LPP: variants seen among roughly 807,000 people sequenced by gnomAD.
LPP encodes lipoma-preferred partner.
A neutral mutation model predicts 60.4 loss-of-function variants in LPP; 38 were observed. The observed-to-expected ratio is 0.63, with a 90% CI of 0.49 to 0.83. The LOEUF (loss-of-function observed/expected upper bound fraction) is 0.83, where lower values mean the gene tolerates loss of function less well. Among genes scored for constraint, LPP ranks in the 40% least tolerant of loss-of-function variants. The pLI is 0.00. For missense variants in LPP, 902 were observed against 783.6 expected (o/e 1.15, Z -1.80); for synonymous variants, 328 against 290.8 (o/e 1.13, Z -1.30).
chr3:188,430,853 T>A (rs545165017), intron 4 of LPP, among the ~76,000 whole-genome samples: 2 of 152,218 alleles, frequency 1.3e-5, no homozygotes, highest in East Asian at 3.9e-4. Context: ...GATTTTTTTT[T>A]TATATGTAGA....
intron 6 of LPP, among the ~76,000 whole-genome samples, chr3:188,564,990 A>T (rs1285504261): frequency 3.3e-5 from 5 of 151,690 alleles, no homozygotes; most frequent in Admixed American, 3.3e-4. Flanking sequence ...GCTCCATTCC[A>T]TCTCTGCTCC....
chr3:188,487,525 A>G (rs375345679), intron 5 of LPP, among the ~76,000 whole-genome samples: 12 of 152,350 alleles, frequency 7.9e-5, no homozygotes, highest in South Asian at 6.2e-4. Flanking sequence ...GATAAAAAAT[A>G]AAATACGGTT....
chr3:188,533,655 T>C (rs1822802301), intron 6 of LPP, among the ~76,000 whole-genome samples: 1 of 152,156 alleles, frequency 6.6e-6, no homozygotes, highest in African/African-American at 2.4e-5. Context: ...TACAGTAAAA[T>C]AAAATTTGCA....
intron 2 of LPP, among the ~76,000 whole-genome samples, chr3:188,335,227 G>T (rs918008868): frequency 3.9e-5 from 6 of 152,192 alleles, no homozygotes; most frequent in African/African-American, 1.4e-4. Flanking sequence ...TACCTGACTT[G>T]AGATATTATA....
chr3:188,540,430 G>C (rs1320800985), intron 6 of LPP, among the ~76,000 whole-genome samples: 2 of 152,136 alleles, frequency 1.3e-5, no homozygotes, highest in Non-Finnish European at 2.9e-5. Context: ...TAAAGACCAA[G>C]TTCATGTTGT....
intron 1 of LPP, among the ~76,000 whole-genome samples, chr3:188,183,910 A>G (rs1307959989): frequency 6.6e-6 from 1 of 152,138 alleles, no homozygotes; most frequent in East Asian, 1.9e-4. Flanking sequence ...ACTGCTAGGA[A>G]TTTAAGCAAA....
chr3:188,433,527 GA>G (rs1235260391), intron 4 of LPP, among the ~76,000 whole-genome samples: 1 of 149,154 alleles, frequency 6.7e-6, no homozygotes, highest in Non-Finnish European at 1.5e-5. Context: ...GAAGTAGAAA[GA>G]AAAAAATATT....
intron 9 of LPP, among the ~76,000 whole-genome samples, chr3:188,837,381 A>ACAT (rs368390547): frequency 0.031 from 1,395 of 44,718 alleles, 12 homozygotes; most frequent in Middle Eastern, 0.058. Context: ...TCCATCTCAA[A>ACAT]CATAATAATA....
chr3:188,623,697 G>A (rs1846247896), intron 7 of LPP, among the ~76,000 whole-genome samples: 1 of 152,198 alleles, frequency 6.6e-6, no homozygotes, highest in East Asian at 1.9e-4. Flanking sequence ...TTAAAAAATT[G>A]TCACTGCTGT....
intron 9 of LPP, among the ~76,000 whole-genome samples, chr3:188,846,683 C>CAA (rs34230552): frequency 0.017 from 1,440 of 84,218 alleles, 40 homozygotes; most frequent in African/African-American, 0.06. Flanking sequence ...GATTCCATCT[C>CAA]AAAAAAAAAA....
intron 4 of LPP, among the ~76,000 whole-genome samples, chr3:188,423,889 T>C (rs1352143691): frequency 1.3e-5 from 2 of 152,222 alleles, no homozygotes; most frequent in South Asian, 2.1e-4. Context: ...CGCTTTTTTT[T>C]CCCATTCTGT....
chr3:188,337,340 A>C (rs778729626), intron 2 of LPP, among the ~76,000 whole-genome samples: 3 of 152,192 alleles, frequency 2.0e-5, no homozygotes, highest in Non-Finnish European at 4.4e-5. Context: ...AAGCACGGCT[A>C]TGTGGACTTC....
chr3:188,885,976 A>G lies in LPP; in HGVS notation c.*11497A>G, dbSNP rs1462793175. On this transcript the variant is annotated 3_prime_UTR_variant, in exon 12 of 12. Coordinates refer to ENST00000617246, the MANE Select transcript of LPP (RefSeq NM_001375462.1). ...CTGTTCAATACTATGCAGCCATAAA[A>G]AATGATGAGTTCATGTCCTTTGTAG... 4 of 152,170 alleles carry G rather than the reference A, an allele frequency of 2.6e-5. No individual in the cohort carries two copies. Among genetic ancestry groups the G allele is most frequent in the African/African-American group, 9.7e-5 (4 of 41,446 alleles). 9.4% of individuals were successfully genotyped at this position (152,170 alleles called of 1,614,324 possible). A position where few individuals can be genotyped will look rare whatever the true frequency, so the allele number is the denominator to read the frequency against.
intron 7 of LPP, among the ~76,000 whole-genome samples, chr3:188,689,532 A>AT (rs1315340579): frequency 1.3e-5 from 2 of 152,144 alleles, no homozygotes; most frequent in African/African-American, 2.4e-5. Context: ...ACTTTTTTAG[A>AT]TTCCACACTT....
At chr3:188,259,717 C>A (rs529826278) in intron 2 of LPP, among the ~76,000 whole-genome samples, 35 of 152,256 alleles carry the variant, frequency 2.3e-4, no homozygotes, top group African/African-American at 8.4e-4. Flanking sequence ...TTGTTCAATT[C>A]AGCAGTTGTC....
intron 9 of LPP, among the ~76,000 whole-genome samples, chr3:188,767,855 GAACA>G (rs1734643316): frequency 1.3e-5 from 2 of 151,978 alleles, no homozygotes. Context: ...TAAAAAACTA[GAACA>G]GACAAGAAAA....
chr3:188,192,785 C>T (rs1577209229), intron 1 of LPP, among the ~76,000 whole-genome samples: 2 of 152,102 alleles, frequency 1.3e-5, no homozygotes, highest in Admixed American at 1.3e-4. Context: ...CCTTTTCTTG[C>T]CTAGAAATGT....
intron 6 of LPP, among the ~76,000 whole-genome samples, chr3:188,570,156 G>A (rs983473427): frequency 1.3e-5 from 2 of 151,884 alleles, no homozygotes; most frequent in Admixed American, 1.3e-4. Context: ...TGCAGAGAAG[G>A]GTAAAAGTGA....
chr3:188,514,230 GT>G (rs796702412), intron 5 of LPP, among the ~76,000 whole-genome samples: 5 of 151,364 alleles, frequency 3.3e-5, no homozygotes, highest in Admixed American at 3.3e-4. Flanking sequence ...TCTTCTCATT[GT>G]TTTTTTTCCC....
Sources: gnomAD v4.1 joint callset for allele counts (sites outside exome capture counted in the v4.1 genomes callset) on GRCh38, gnomAD v4.1.1 for gene constraint, MANE v1.5 for transcripts, NCBI Gene and HGNC (gene_info 2026-07-23, HGNC 2026-07-21) for gene names.